KIAA0825: variants seen among roughly 807,000 people sequenced by gnomAD.
KIAA0825 encodes KIAA0825.
In KIAA0825, 119 loss-of-function variants were observed where a neutral mutation model predicts 147.6. That is an observed-to-expected ratio of 0.81 (90% confidence interval 0.69 to 0.94). The LOEUF is 0.94. Ranked by LOEUF, KIAA0825 falls within the 40% of genes least tolerant of loss-of-function variation. The pLI is 0.00. For synonymous variants in KIAA0825, 470 were observed against 518.1 expected (o/e 0.91, Z 1.26); for missense variants, 1,381 against 1,472.7 (o/e 0.94, Z 1.02).
At chr5:94,547,802 T>G (rs11960335) in intron 2 of KIAA0825, among the ~76,000 whole-genome samples, 3 of 148,562 alleles carry the variant, frequency 2.0e-5, no homozygotes, top group Admixed American at 2.0e-4. Context: ...GGAGCTCCAG[T>G]ATGTCTGGCA....
intron 20 of KIAA0825, among the ~76,000 whole-genome samples, chr5:94,178,205 C>A (rs1040042008): frequency 6.6e-6 from 1 of 151,898 alleles, no homozygotes; most frequent in African/African-American, 2.4e-5. Flanking sequence ...TTTGACTTGG[C>A]ATTTTTGGGT....
chr5:94,420,580 A>T (rs1754054879), intron 14 of KIAA0825, among the ~76,000 whole-genome samples: 1 of 152,108 alleles, frequency 6.6e-6, no homozygotes, highest in Non-Finnish European at 1.5e-5. Flanking sequence ...CTCTAGTACT[A>T]TTTTACTATA....
At chr5:94,441,408 T>A (rs1283173050) in intron 13 of KIAA0825, among the ~76,000 whole-genome samples, 2 of 152,178 alleles carry the variant, frequency 1.3e-5, no homozygotes, top group Non-Finnish European at 2.9e-5. Context: ...CCAATTAGCA[T>A]CCTCTTTCCT....
At chr5:94,185,868 CTAG>C (rs1431829352) in intron 20 of KIAA0825, among the ~76,000 whole-genome samples, 3 of 152,170 alleles carry the variant, frequency 2.0e-5, no homozygotes, top group African/African-American at 7.2e-5. Context: ...TCTTAGTTTT[CTAG>C]TATAGAAAAT....
At chr5:94,587,096 G>T (rs1463227824) in intron 1 of KIAA0825, among the ~76,000 whole-genome samples, 2 of 152,246 alleles carry the variant, frequency 1.3e-5, no homozygotes, top group East Asian at 3.9e-4. Context: ...ATACTGGATG[G>T]GCAAAAACTG....
intron 20 of KIAA0825, among the ~76,000 whole-genome samples, chr5:94,183,784 G>A (rs1441391569): frequency 6.6e-6 from 1 of 152,152 alleles, no homozygotes; most frequent in African/African-American, 2.4e-5. Flanking sequence ...CTGGACCTCA[G>A]CCTATGTACC....
At chr5:94,523,873 G>T in intron 4 of KIAA0825, 57 bp downstream of exon 4, 2 of 1,117,370 alleles carry the variant, frequency 1.8e-6, no homozygotes, top group Non-Finnish European at 2.5e-6. Flanking sequence ...GAAATTGAAT[G>T]AGTTGTATTC....
At chr5:94,236,019 G>T (rs966386544) in intron 20 of KIAA0825, among the ~76,000 whole-genome samples, 9 of 152,126 alleles carry the variant, frequency 5.9e-5, no homozygotes, top group African/African-American at 1.7e-4. Flanking sequence ...GGAGATTCAT[G>T]TTGTTTTTAT....
At chr5:94,272,183 G>A (rs942710345) in intron 20 of KIAA0825, among the ~76,000 whole-genome samples, 1 of 151,342 alleles carries the variant, frequency 6.6e-6, no homozygotes, top group Admixed American at 6.6e-5. Context: ...GTTACCAGGA[G>A]TTGGGAAGGG....
chr5:94,550,502 A>C (rs1775308917), intron 2 of KIAA0825, among the ~76,000 whole-genome samples: 1 of 152,218 alleles, frequency 6.6e-6, no homozygotes, highest in Non-Finnish European at 1.5e-5. Flanking sequence ...ATGTGAAGAA[A>C]TCAACATAGG....
intron 20 of KIAA0825, among the ~76,000 whole-genome samples, chr5:94,254,019 T>TCTCATCAGGAGGGC (rs1219881894): frequency 6.6e-5 from 10 of 152,134 alleles, no homozygotes; most frequent in African/African-American, 2.4e-4. Flanking sequence ...CCGTTCCTAA[T>TCTCATCAGGAGGGC]CTCATCAGGA....
At chr5:94,497,879 C>A (rs753992150) in intron 5 of KIAA0825, among the ~76,000 whole-genome samples, 6 of 152,320 alleles carry the variant, frequency 3.9e-5, no homozygotes, top group Admixed American at 2.0e-4. Flanking sequence ...ACACTCTGAG[C>A]AATTGCTCTG....
intron 20 of KIAA0825, among the ~76,000 whole-genome samples, chr5:94,324,108 T>A (rs1161647596): frequency 1.3e-5 from 2 of 151,984 alleles, no homozygotes; most frequent in Non-Finnish European, 2.9e-5. Context: ...CATTATATTG[T>A]CTCTGTGCAT....
chr5:94,582,828 A>G (rs1181338165), intron 1 of KIAA0825, among the ~76,000 whole-genome samples: 2 of 152,250 alleles, frequency 1.3e-5, no homozygotes, highest in African/African-American at 4.8e-5. Context: ...TGGAAAATGC[A>G]TATTTAAAAC....
intron 20 of KIAA0825, among the ~76,000 whole-genome samples, chr5:94,323,171 C>T (rs1476003378): frequency 6.6e-6 from 1 of 151,922 alleles, no homozygotes; most frequent in East Asian, 1.9e-4. Context: ...TAACAAAATA[C>T]TCTTTAATGT....
chr5:94,578,266 A>G (rs1219030480), intron 2 of KIAA0825, among the ~76,000 whole-genome samples: 4 of 152,214 alleles, frequency 2.6e-5, no homozygotes, highest in Non-Finnish European at 5.9e-5. Flanking sequence ...TAAATCCTTT[A>G]TATGCATTAA....
In KIAA0825 at chr5:94,609,369, T is replaced by A. The variant is rs531651703; in HGVS notation, c.-153+9131A>T. Among the ~76,000 whole-genome samples the A allele has an allele frequency of 1.6e-4, 25 of 152,316 alleles. No individual in the cohort carries two copies. In the South Asian group the frequency reaches 3.9e-3, roughly 24 times the overall value. ...TGTTTTGAAAAATATAGCTTTTTTTTAAAGCTGTTTTTGTTAACATGTAGT... is the reference window on the plus strand; with the variant it reads ...TGTTTTGAAAAATATAGCTTTTTTTAAAAGCTGTTTTTGTTAACATGTAGT... On this transcript the variant is annotated intron_variant, in intron 1 of 20. Coordinates refer to ENST00000682413, the MANE Select transcript of KIAA0825 (RefSeq NM_001145678.3).
intron 5 of KIAA0825, among the ~76,000 whole-genome samples, chr5:94,507,030 C>CA (rs1164828737): frequency 4.0e-5 from 6 of 151,788 alleles, no homozygotes; most frequent in African/African-American, 7.3e-5. Context: ...AACAAAATAC[C>CA]AAAAAAATAA....
chr5:94,477,945 CT>C (rs1762083462), intron 6 of KIAA0825, among the ~76,000 whole-genome samples: 1 of 152,068 alleles, frequency 6.6e-6, no homozygotes, highest in South Asian at 2.1e-4. Flanking sequence ...TTAAGGTTTA[CT>C]TTTTTTGGCT....
Sources: allele counts gnomAD v4.1 joint callset (sites outside exome capture counted in the v4.1 genomes callset), GRCh38; gene constraint gnomAD v4.1.1; transcripts MANE v1.5; gene names NCBI Gene and HGNC (gene_info 2026-07-23, HGNC 2026-07-21).